SAXO1: variants seen among roughly 807,000 people sequenced by gnomAD.
SAXO1 encodes the protein stabilizer of axonemal microtubules 1, also known as 4930500O09Rik.
SAXO1 carries 21 observed loss-of-function variants against 17.5 expected under a neutral mutation model. The ratio of observed to expected loss-of-function variants is 1.20; its 90% CI spans 0.85 to 1.72. The LOEUF (loss-of-function observed/expected upper bound fraction) is 1.72. SAXO1 is among the 40% of genes most tolerant of loss of function. The pLI is 0.00. For synonymous variants in SAXO1, 274 were observed against 216.5 expected (o/e 1.27, Z -2.33); for missense variants, 843 against 596.0 (o/e 1.41, Z -4.32).
At chr9:19,039,593 G>A (rs536137659) in intron 1 of SAXO1, among the ~76,000 whole-genome samples, 1 of 152,338 alleles carries the variant, frequency 6.6e-6, no homozygotes, top group Admixed American at 6.5e-5. Context: ...ATGGTTTGAA[G>A]AAATCAAGTG....
At chr9:18,964,740 C>T (rs1272463000) in intron 1 of SAXO1, among the ~76,000 whole-genome samples, 2 of 152,084 alleles carry the variant, frequency 1.3e-5, no homozygotes, top group African/African-American at 4.8e-5. Flanking sequence ...AAGGGTTTCT[C>T]ATGTCTCTAA....
intron 3 of SAXO1, among the ~76,000 whole-genome samples, chr9:18,933,667 A>T (rs912498125): frequency 4.6e-5 from 7 of 152,146 alleles, no homozygotes; most frequent in African/African-American, 1.2e-4. Flanking sequence ...TTCTTGAAGG[A>T]TAGACTTTTT....
At chr9:19,002,008 T>C (rs1834293580) in intron 1 of SAXO1, among the ~76,000 whole-genome samples, 1 of 151,700 alleles carries the variant, frequency 6.6e-6, no homozygotes, top group Non-Finnish European at 1.5e-5. Flanking sequence ...GCCAGACTAA[T>C]AAAGAAGAAA....
intron 1 of SAXO1, among the ~76,000 whole-genome samples, chr9:19,006,488 C>T (rs1834485276): frequency 6.6e-6 from 1 of 152,174 alleles, no homozygotes; most frequent in South Asian, 2.1e-4. Context: ...ACCTTAGAGA[C>T]AAATTGCTAA....
Position 18,957,497 on chromosome 9 carries a change from A to T in SAXO1, c.39-6560T>A, listed in dbSNP as rs529858419. On this transcript the variant is annotated intron_variant, in intron 1 of 3. Coordinates refer to ENST00000380534, the MANE Select transcript of SAXO1 (RefSeq NM_153707.4). ...CAATCCAATTTCAAACCCAAAGTTC[A>T]GACTCTTAAAGGATTTGCAGCCCAT... Among the ~76,000 whole-genome samples, 698 of 152,314 alleles carry T rather than the reference A, an allele frequency of 4.6e-3. 3 individuals carry two copies. Among genetic ancestry groups the T allele is most frequent in the African/African-American group, 0.015 (607 of 41,578 alleles).
At position 19,038,557 on chromosome 9, in the gene SAXO1, T is replaced by A. The variant is rs1030995590; in HGVS notation, c.-158+10652A>T. 1.6e-4 allele frequency among the ~76,000 whole-genome samples: 21 copies of A among 127,938 alleles called. No homozygotes were observed. The Admixed American group carries it at 2.2e-3, about 13-fold the overall frequency. 83.9% of individuals were successfully genotyped at this position (127,938 alleles called of 152,430 possible). A position where few individuals can be genotyped will look rare whatever the true frequency, so the allele number is the denominator to read the frequency against. ...TCACTCATAGATGGGAATTGAACAATGAGAACACATGGACACAGGAAGGGG... is the reference window on the plus strand; with the variant it reads ...TCACTCATAGATGGGAATTGAACAAAGAGAACACATGGACACAGGAAGGGG... On this transcript the variant is annotated intron_variant, in intron 1 of 3. Transcript: ENST00000542071.
chr9:19,001,623 C>T (rs982114572), intron 1 of SAXO1, among the ~76,000 whole-genome samples: 1 of 149,814 alleles, frequency 6.7e-6, no homozygotes, highest in Non-Finnish European at 1.5e-5. Flanking sequence ...GCCGAGATCG[C>T]GCATTGCACT....
Position 18,928,931 on chromosome 9 carries a change from A to G in SAXO1, c.546T>C (p.Leu182=), listed in dbSNP as rs2131663289. 1.9e-6 allele frequency: 3 copies of G among 1,614,150 alleles called. No individual in the cohort carries two copies. Among genetic ancestry groups the G allele is most frequent in the East Asian group, 2.2e-5 (1 of 44,870 alleles). Reference sequence around the variant, plus strand: ...GAGGTTTACAGCTTATGGTCTTCACAAGGCCTTTTATGGGGTAATCGTCCT... The same window carrying G: ...GAGGTTTACAGCTTATGGTCTTCACGAGGCCTTTTATGGGGTAATCGTCCT... The part of the protein sequence containing the change: ...THQDDYPIKG[L]VKTISCKPLA... Residue 182 remains leucine, a synonymous_variant, in exon 4 of 4, where the codon CTT becomes CTC. Coordinates refer to ENST00000380534, the MANE Select transcript of SAXO1 (RefSeq NM_153707.4).
At chr9:18,989,690 T>C (rs946028329) in intron 1 of SAXO1, among the ~76,000 whole-genome samples, 2 of 152,110 alleles carry the variant, frequency 1.3e-5, no homozygotes, top group African/African-American at 4.8e-5. Context: ...AAGTGGAACA[T>C]CAAATTCACT....
intron 1 of SAXO1, among the ~76,000 whole-genome samples, chr9:19,010,531 G>A (rs979965431): frequency 6.6e-6 from 1 of 151,662 alleles, no homozygotes; most frequent in African/African-American, 2.4e-5. Flanking sequence ...AGAATGTTAG[G>A]AGCAGAAAGA....
intron 1 of SAXO1, among the ~76,000 whole-genome samples, chr9:19,022,186 G>A (rs1004652028): frequency 3.9e-5 from 6 of 152,190 alleles, no homozygotes; most frequent in African/African-American, 7.2e-5. Flanking sequence ...TTTAAGAGCT[G>A]TAACACTCAC....
intron 1 of SAXO1, among the ~76,000 whole-genome samples, chr9:19,021,961 A>C (rs929592468): frequency 1.4e-4 from 21 of 152,218 alleles, no homozygotes; most frequent in Non-Finnish European, 2.8e-4. Flanking sequence ...AGCAAGGGCA[A>C]CCTGCTCAGC....
chr9:18,935,171 C>A (rs762385094), intron 3 of SAXO1, among the ~76,000 whole-genome samples: 1 of 152,078 alleles, frequency 6.6e-6, no homozygotes, highest in African/African-American at 2.4e-5. Context: ...ACCTGGGCCT[C>A]GCAAAGTGCT....
intron 3 of SAXO1, among the ~76,000 whole-genome samples, chr9:18,931,289 G>C (rs1332173230): frequency 6.6e-6 from 1 of 152,116 alleles, no homozygotes; most frequent in Non-Finnish European, 1.5e-5. Flanking sequence ...TTTTGCATCT[G>C]GCTTCTTTCA....
intron 1 of SAXO1, among the ~76,000 whole-genome samples, chr9:19,021,350 G>A (rs558113933): frequency 1.5e-4 from 23 of 152,344 alleles, no homozygotes; most frequent in African/African-American, 5.5e-4. Context: ...TAAGGTCCGA[G>A]AAAGACACAT....
chr9:19,040,252 G>C (rs556223532), intron 1 of SAXO1, among the ~76,000 whole-genome samples: 6 of 152,286 alleles, frequency 3.9e-5, no homozygotes, highest in African/African-American at 1.4e-4. Context: ...CAAATGAATG[G>C]TTTAGGATTT....
At chr9:19,007,569 C>T (rs1563977494) in intron 1 of SAXO1, among the ~76,000 whole-genome samples, 1 of 152,094 alleles carries the variant, frequency 6.6e-6, no homozygotes, top group Non-Finnish European at 1.5e-5. Flanking sequence ...GAGTTTTACC[C>T]TAGGTAACCA....
At chr9:19,009,858 GC>G (rs1353441715) in intron 1 of SAXO1, among the ~76,000 whole-genome samples, 2 of 146,532 alleles carry the variant, frequency 1.4e-5, no homozygotes, top group African/African-American at 2.5e-5. Flanking sequence ...ACAAGGTCTT[GC>G]TCTGTCACCC....
intron 1 of SAXO1, among the ~76,000 whole-genome samples, chr9:18,996,137 T>A (rs1437440735): frequency 6.6e-6 from 1 of 151,188 alleles, no homozygotes; most frequent in Non-Finnish European, 1.5e-5. Context: ...TATTCAAAAG[T>A]AGAAATCATT....
Sources: allele counts gnomAD v4.1 joint callset (sites outside exome capture counted in the v4.1 genomes callset), GRCh38; gene constraint gnomAD v4.1.1; transcripts MANE v1.5; gene names NCBI Gene and HGNC (gene_info 2026-07-23, HGNC 2026-07-21).